TMEM62: variants seen among roughly 807,000 people sequenced by gnomAD.
TMEM62 encodes the protein transmembrane protein 62.
A neutral mutation model predicts 70.4 loss-of-function variants in TMEM62; 41 were observed. The observed-to-expected ratio is 0.58, with a 90% CI of 0.45 to 0.76. The LOEUF is 0.76. Among genes scored for constraint, TMEM62 ranks in the 30% least tolerant of loss-of-function variants. TMEM62 has a pLI of 0.00. For synonymous variants in TMEM62, 268 were observed against 291.0 expected, an observed-to-expected ratio of 0.92 and a Z score of 0.80; for missense variants, 688 against 788.5, an observed-to-expected ratio of 0.87 and a Z score of 1.53.
chr15:43,143,699 G>A (rs944686312), intron 4 of TMEM62, among the ~76,000 whole-genome samples: 1 of 152,164 alleles, frequency 6.6e-6, no homozygotes, highest in African/African-American at 2.4e-5. Flanking sequence ...TTCATCCTGT[G>A]TCATACAAAT....
intron 2 of TMEM62, 35 bp downstream of exon 2, chr15:43,134,403 T>C (rs2034901489): frequency 3.9e-6 from 6 of 1,523,716 alleles, no homozygotes; most frequent in Non-Finnish European, 5.5e-6. Context: ...TGGTGGTCTG[T>C]GGTCCGCATG....
At chr15:43,171,375 CTGA>C (rs1228597947) in intron 11 of TMEM62, among the ~76,000 whole-genome samples, 1 of 151,676 alleles carries the variant, frequency 6.6e-6, no homozygotes, top group East Asian at 1.9e-4. Context: ...TCCAACCATC[CTGA>C]TGATATAAAA....
chr15:43,146,352 A>G (rs2036655688), intron 4 of TMEM62, 141 bp from the exon 5 acceptor site: 2 of 750,134 alleles, frequency 2.7e-6, no homozygotes, highest in Non-Finnish European at 4.2e-6. Context: ...CAGTTTATCC[A>G]TTGTGGATCT....
chr15:43,144,731 A>G (rs2141592762), intron 4 of TMEM62, among the ~76,000 whole-genome samples: 1 of 152,330 alleles, frequency 6.6e-6, no homozygotes, highest in South Asian at 2.1e-4. Flanking sequence ...TGAGAAAGGA[A>G]GAGGACAGAG....
At chr15:43,183,811 C>T (rs1432885019) in intron 13 of TMEM62, among the ~76,000 whole-genome samples, 3 of 152,136 alleles carry the variant, frequency 2.0e-5, no homozygotes, top group Non-Finnish European at 4.4e-5. Context: ...AGCAGCTCAA[C>T]TTGGATTATA....
chr15:43,135,962 G>A (rs1385814936), intron 3 of TMEM62, among the ~76,000 whole-genome samples: 1 of 151,982 alleles, frequency 6.6e-6, no homozygotes, highest in East Asian at 1.9e-4. Flanking sequence ...ATGTGCCATG[G>A]TGGTTTGCTG....
At chr15:43,168,212 A>ATCTT (rs2039799414) in intron 10 of TMEM62, among the ~76,000 whole-genome samples, 2 of 147,256 alleles carry the variant, frequency 1.4e-5, no homozygotes, top group African/African-American at 5.1e-5. Flanking sequence ...AGGGAGAGGG[A>ATCTT]GAGGGGTCTT....
At chr15:43,167,189 A>G (rs902160800) in intron 10 of TMEM62, among the ~76,000 whole-genome samples, 7 of 147,604 alleles carry the variant, frequency 4.7e-5, no homozygotes, top group Admixed American at 1.3e-4. Flanking sequence ...TCCCTCCCGG[A>G]CGGGTCGGCT....
chr15:43,134,157 C>T, intron 1 of TMEM62, 100 bp from the exon 2 acceptor site: 2 of 1,468,592 alleles, frequency 1.4e-6, no homozygotes, highest in South Asian at 1.2e-5. Context: ...TGCATTGCCT[C>T]TTTGCCTTTT....
rs541299210 is a variant in TMEM62 at position 43,159,178 on chromosome 15, G to T, written c.1183-1503G>T. Among the ~76,000 whole-genome samples, 8 of 152,246 alleles carry T rather than the reference G, an allele frequency of 5.3e-5. No homozygotes were observed. In the East Asian group the frequency reaches 1.3e-3, roughly 26 times the overall value. On this transcript the variant is annotated intron_variant, in intron 9 of 13. Coordinates refer to ENST00000260403, the MANE Select transcript of TMEM62 (RefSeq NM_024956.4). ...GTGTTTTGATACAGGCATGCAATGC[G>T]TAATAATCACATCATGGAAAATGGA... is the stretch of plus-strand genomic sequence containing the variant.
rs12442094 is a variant in TMEM62 at position 43,152,696 on chromosome 15, T to C, written c.1022+751T>C. Among the ~76,000 whole-genome samples, 326 of 152,260 alleles carry C rather than the reference T, an allele frequency of 2.1e-3. 3 individuals are homozygous for C. The highest frequency in any genetic ancestry group is 0.019 in the Admixed American group (292 of 15,296). ...AGGCTTGAACCACCATGCCTGGCCA[T>C]GAATTTGATTATATAGATTAATAGA... On this transcript the variant is annotated intron_variant, in intron 8 of 13. Transcript: ENST00000260403.
intron 2 of TMEM62, 39 bp downstream of exon 2, chr15:43,134,407 C>A: frequency 2.0e-6 from 3 of 1,517,194 alleles, no homozygotes; most frequent in East Asian, 2.3e-5. Context: ...GGTCTGTGGT[C>A]CGCATGGTAG....
chr15:43,167,952 T>C (rs2039722624), intron 10 of TMEM62, among the ~76,000 whole-genome samples: 1 of 151,738 alleles, frequency 6.6e-6, no homozygotes, highest in African/African-American at 2.4e-5. Context: ...CGAAACCCCG[T>C]CTCCACCAAA....
At chr15:43,145,180 T>A (rs1289362979) in intron 4 of TMEM62, among the ~76,000 whole-genome samples, 1 of 147,730 alleles carries the variant, frequency 6.8e-6, no homozygotes, top group Non-Finnish European at 1.5e-5. Flanking sequence ...AAATTTTAAT[T>A]TAGAATAAAA....
intron 10 of TMEM62, among the ~76,000 whole-genome samples, chr15:43,164,877 T>G (rs1333253288): frequency 1.3e-5 from 2 of 152,206 alleles, no homozygotes. Context: ...TCTGAATATG[T>G]CATGCCACTT....
intron 11 of TMEM62, among the ~76,000 whole-genome samples, chr15:43,176,421 C>A (rs547121736): frequency 6.6e-6 from 1 of 152,262 alleles, no homozygotes; most frequent in Non-Finnish European, 1.5e-5. Context: ...AGCAGCCCAA[C>A]TGGGAGGCAC....
intron 10 of TMEM62, 147 bp from the exon 11 acceptor site, chr15:43,169,446 C>T (rs2039955844): frequency 3.1e-6 from 2 of 635,532 alleles, no homozygotes; most frequent in Non-Finnish European, 5.5e-6. Context: ...GGAGCTCTGA[C>T]CAGTGGGGAC....
chr15:43,177,862 G>C (rs1024114655), intron 11 of TMEM62, among the ~76,000 whole-genome samples: 1 of 151,786 alleles, frequency 6.6e-6, no homozygotes, highest in Non-Finnish European at 1.5e-5. Flanking sequence ...GTGGGGTCAG[G>C]GGGAGGGATA....
At chr15:43,181,948 T>C (rs1343490934) in intron 13 of TMEM62, among the ~76,000 whole-genome samples, 1 of 152,144 alleles carries the variant, frequency 6.6e-6, no homozygotes, top group Non-Finnish European at 1.5e-5. Context: ...CCAAAACTGA[T>C]TATGATGATG....
Sources: allele counts gnomAD v4.1 joint callset (sites outside exome capture counted in the v4.1 genomes callset), GRCh38; gene constraint gnomAD v4.1.1; transcripts MANE v1.5; gene names NCBI Gene and HGNC (gene_info 2026-07-23, HGNC 2026-07-21).